The following COBL variants were observed in gnomAD, a reference collection of about 807,000 sequenced individuals.
COBL encodes the protein protein cordon-bleu.
COBL carries 51 observed loss-of-function variants against 98.8 expected under a neutral mutation model. That is an observed-to-expected ratio of 0.52 (90% CI 0.41 to 0.65). The LOEUF (loss-of-function observed/expected upper bound fraction) is 0.65. Ranked by LOEUF, COBL falls within the 30% of genes least tolerant of loss-of-function variation. COBL has a pLI of 0.00. For missense variants in COBL, 1,617 were observed against 1,617.5 expected (o/e 1.00, Z 0.01); for synonymous variants, 634 against 651.7 (o/e 0.97, Z 0.41).
chr7:51,138,368 C>T (rs1799428162), intron 5 of COBL, among the ~76,000 whole-genome samples: 1 of 152,168 alleles, frequency 6.6e-6, no homozygotes. Flanking sequence ...AGGGAGGACT[C>T]AGGGAGATGC....
intron 5 of COBL, among the ~76,000 whole-genome samples, chr7:51,144,634 T>C (rs963326885): frequency 1.4e-4 from 22 of 152,196 alleles, no homozygotes; most frequent in Non-Finnish European, 2.9e-5. Context: ...ATCACCACTA[T>C]CTAGTTTCAG....
chr7:51,239,890 T>A (rs1795615309), intron 1 of COBL, among the ~76,000 whole-genome samples: 1 of 152,176 alleles, frequency 6.6e-6, no homozygotes, highest in African/African-American at 2.4e-5. Context: ...AGCTACATAG[T>A]AAACATTTTA....
chr7:51,220,601 G>A (rs1029756235), intron 1 of COBL, among the ~76,000 whole-genome samples: 1 of 152,096 alleles, frequency 6.6e-6, no homozygotes, highest in East Asian at 1.9e-4. Flanking sequence ...AATTCACCTC[G>A]TGGGGTATTT....
intron 1 of COBL, among the ~76,000 whole-genome samples, chr7:51,302,918 G>A (rs932105353): frequency 3.9e-5 from 6 of 151,978 alleles, no homozygotes; most frequent in Non-Finnish European, 5.9e-5. Context: ...CCAACCAAAC[G>A]GCTGTGGTGA....
chr7:51,267,496 T>TG (rs1798332120), intron 1 of COBL, among the ~76,000 whole-genome samples: 3 of 151,464 alleles, frequency 2.0e-5, no homozygotes, highest in South Asian at 2.1e-4. Context: ...ATATATATAT[T>TG]ACTAGTATAT....
chr7:51,201,239 CAAAA>C (rs1157303332), intron 2 of COBL, among the ~76,000 whole-genome samples: 2 of 57,872 alleles, frequency 3.5e-5, no homozygotes, highest in Non-Finnish European at 7.6e-5. Context: ...GACTCCGTCT[CAAAA>C]AAAAAAAAAA....
chr7:51,025,453 G>T, intron 11 of COBL, 81 bp from the exon 12 acceptor site: 1 of 1,440,970 alleles, frequency 6.9e-7, no homozygotes, highest in Non-Finnish European at 9.6e-7. Context: ...GCCCAAGGTA[G>T]TGGCATGAGG....
intron 1 of COBL, among the ~76,000 whole-genome samples, chr7:51,269,295 A>C (rs1798534838): frequency 6.6e-6 from 1 of 152,212 alleles, no homozygotes; most frequent in African/African-American, 2.4e-5. Context: ...GGCCTGGCTG[A>C]ATAAGCCAGG....
At chr7:51,246,908 T>C (rs533834925) in intron 1 of COBL, among the ~76,000 whole-genome samples, 24 of 152,276 alleles carry the variant, frequency 1.6e-4, no homozygotes, top group African/African-American at 5.8e-4. Flanking sequence ...GTTCCCAAAA[T>C]AGCCTAGGGT....
chr7:51,165,967 G>T (rs1787281965), intron 5 of COBL, among the ~76,000 whole-genome samples: 1 of 151,850 alleles, frequency 6.6e-6, no homozygotes, highest in African/African-American at 2.4e-5. Context: ...AGCAAAAGGA[G>T]TACTAAGAGG....
In COBL at chr7:51,203,483, A is replaced by G. The variant is rs923372251; in HGVS notation, c.246-9894T>C. ...TCTCAAAAAAAAAAAAAAAAAAAAA[A>G]AACTCTTGGCTGCATTAAAAAAAGA... On this transcript the variant is annotated intron_variant, in intron 2 of 12. Transcript: ENST00000265136. Among the ~76,000 whole-genome samples the G allele has an allele frequency of 1.3e-5, 2 of 150,618 alleles. 1 individual carries two copies. Among genetic ancestry groups the G allele is most frequent in the Admixed American group, 1.3e-4 (2 of 15,176 alleles).
At chr7:51,175,871 G>T (rs924491475) in intron 5 of COBL, among the ~76,000 whole-genome samples, 47 of 152,286 alleles carry the variant, frequency 3.1e-4, no homozygotes, top group African/African-American at 1.1e-3. Context: ...AGACAGCAGT[G>T]CCAGGGAATC....
At chr7:51,186,139 A>G (rs1185313370) in intron 4 of COBL, among the ~76,000 whole-genome samples, 1 of 152,282 alleles carries the variant, frequency 6.6e-6, no homozygotes, top group Non-Finnish European at 1.5e-5. Context: ...CAGAGCACAC[A>G]GTTAAGACTG....
At chr7:51,188,382 T>C (rs1008430206) in intron 4 of COBL, among the ~76,000 whole-genome samples, 21 of 152,050 alleles carry the variant, frequency 1.4e-4, no homozygotes, top group East Asian at 5.8e-4. Flanking sequence ...CCCAGGGCGG[T>C]TGTAGGGGAG....
chr7:51,210,667 G>A (rs1180038885), intron 2 of COBL, among the ~76,000 whole-genome samples: 2 of 152,174 alleles, frequency 1.3e-5, no homozygotes, highest in African/African-American at 4.8e-5. Flanking sequence ...GTCTTATGAT[G>A]TTTCCTGCAG....
chr7:51,186,682 G>A (rs890747750), intron 4 of COBL, among the ~76,000 whole-genome samples: 7 of 152,172 alleles, frequency 4.6e-5, no homozygotes, highest in Non-Finnish European at 7.3e-5. Context: ...GGCACCAGGG[G>A]CCTGTGACTC....
At chr7:51,283,798 A>G (rs1800024232) in intron 1 of COBL, among the ~76,000 whole-genome samples, 1 of 152,116 alleles carries the variant, frequency 6.6e-6, no homozygotes, top group Admixed American at 6.6e-5. Flanking sequence ...TCTGTAGCTT[A>G]AGAACATTAT....
chr7:51,044,269 T>C (rs915505164), intron 7 of COBL, among the ~76,000 whole-genome samples: 1 of 152,182 alleles, frequency 6.6e-6, no homozygotes, highest in Non-Finnish European at 1.5e-5. Flanking sequence ...GCACTAAATG[T>C]GATTCGCTGC....
chr7:51,192,067 G>A (rs1421932858), intron 3 of COBL, among the ~76,000 whole-genome samples: 2 of 152,180 alleles, frequency 1.3e-5, no homozygotes, highest in South Asian at 2.1e-4. Context: ...AAGGGAAGAC[G>A]CAAGGTATAT....
Sources: gnomAD v4.1 joint callset for allele counts (sites outside exome capture counted in the v4.1 genomes callset) on GRCh38, gnomAD v4.1.1 for gene constraint, MANE v1.5 for transcripts, NCBI Gene and HGNC (gene_info 2026-07-23, HGNC 2026-07-21) for gene names.